Variants in ADAM10 observed in about 807,000 individuals in gnomAD.
ADAM10 encodes disintegrin and metalloproteinase domain-containing protein 10.
In ADAM10, 17 loss-of-function variants were observed where a neutral mutation model predicts 90.1. The observed-to-expected ratio is 0.19, with a 90% confidence interval of 0.13 to 0.28. The LOEUF (loss-of-function observed/expected upper bound fraction) is 0.28. Among genes scored for constraint, ADAM10 ranks in the 10% least tolerant of loss-of-function variants. ADAM10 has a pLI of 1.00. For synonymous variants in ADAM10, 310 were observed against 298.6 expected (o/e 1.04, Z -0.40); for missense variants, 610 against 914.3 (o/e 0.67, Z 4.29).
intron 1 of ADAM10, among the ~76,000 whole-genome samples, chr15:58,740,000 G>A (rs796275871): frequency 1.1e-4 from 17 of 152,320 alleles, no homozygotes; most frequent in African/African-American, 3.9e-4. Flanking sequence ...TAATGTGAGT[G>A]AGACACTGTG....
intron 5 of ADAM10, among the ~76,000 whole-genome samples, chr15:58,648,833 A>G (rs191626628): frequency 1.4e-3 from 207 of 152,188 alleles, no homozygotes; most frequent in Non-Finnish European, 2.1e-3. Context: ...TGACATATCT[A>G]TTTTAGTAAT....
At chr15:58,648,108 T>C (rs1341272574) in intron 5 of ADAM10, among the ~76,000 whole-genome samples, 1 of 152,214 alleles carries the variant, frequency 6.6e-6, no homozygotes, top group Non-Finnish European at 1.5e-5. Flanking sequence ...GATGGAAATG[T>C]TTATTTGCTT....
intron 4 of ADAM10, chr15:58,673,073 C>A (rs554458457): frequency 1.6e-3 from 266 of 169,558 alleles, no homozygotes; most frequent in African/African-American, 6.0e-3. Context: ...GTTAACCACA[C>A]TATCAAATGT....
intron 2 of ADAM10, among the ~76,000 whole-genome samples, chr15:58,709,592 T>G (rs184394555): frequency 1.3e-5 from 2 of 151,892 alleles, no homozygotes; most frequent in East Asian, 3.9e-4. Context: ...ATACAAAAAT[T>G]AGCCAGGTGT....
At chr15:58,684,908 T>C (rs1020286075) in intron 2 of ADAM10, among the ~76,000 whole-genome samples, 1 of 152,112 alleles carries the variant, frequency 6.6e-6, no homozygotes, top group Non-Finnish European at 1.5e-5. Flanking sequence ...TTACGCTGAA[T>C]TGTTGAACAC....
intron 5 of ADAM10, among the ~76,000 whole-genome samples, chr15:58,664,412 G>C (rs540867278): frequency 6.6e-6 from 1 of 152,034 alleles, no homozygotes; most frequent in African/African-American, 2.4e-5. Context: ...ATACATATAA[G>C]AATAAAATCT....
At chr15:58,683,859 CAAAAAAAAAAAAAA>C (rs71425819) in intron 2 of ADAM10, among the ~76,000 whole-genome samples, 1,062 of 67,302 alleles carry the variant, frequency 0.016, 33 homozygotes, top group African/African-American at 0.06. Context: ...GGCTCCATCT[CAAAAAAAAAAAAAA>C]AAAAAAAAAA....
At chr15:58,695,325 A>G (rs1206321075) in intron 2 of ADAM10, among the ~76,000 whole-genome samples, 2 of 152,196 alleles carry the variant, frequency 1.3e-5, no homozygotes, top group African/African-American at 4.8e-5. Flanking sequence ...CTCCTGAACA[A>G]ACAAGTATCC....
intron 1 of ADAM10, among the ~76,000 whole-genome samples, chr15:58,723,238 G>T (rs567183113): frequency 6.6e-6 from 1 of 152,138 alleles, no homozygotes; most frequent in South Asian, 2.1e-4. Flanking sequence ...AATCTCAAGA[G>T]AATGGGAGTC....
In ADAM10 at chr15:58,686,360, C is replaced by T. The variant is rs1247949324; in HGVS notation, c.207-4046G>A. The T allele has an allele frequency of 4.0e-6, 3 of 749,756 alleles. 1 individual carries two copies. In the Admixed American group the frequency reaches 7.4e-5, roughly 18 times the overall value. The allele number at this position is 749,756 out of a possible 1,614,324, so 46.4% of individuals were successfully genotyped here. A position where few individuals can be genotyped will look rare whatever the true frequency, so the allele number is the denominator to read the frequency against. ...GAATAAAGGCTACTTCAAACCTATC[C>T]TAATAAAGCTTAAAAACAAGGCTGG... On this transcript the variant is annotated intron_variant, in intron 2 of 15. Transcript: ENST00000260408.
At chr15:58,739,520 AAAATAAATAAAT>A (rs1192854074) in intron 1 of ADAM10, among the ~76,000 whole-genome samples, 1 of 151,814 alleles carries the variant, frequency 6.6e-6, no homozygotes, top group Non-Finnish European at 1.5e-5. Flanking sequence ...CCGTCTCAAA[AAAATAAATAAAT>A]AAATAAATAA....
intron 2 of ADAM10, among the ~76,000 whole-genome samples, chr15:58,714,290 C>CAT (rs1302650536): frequency 1.0e-5 from 1 of 100,016 alleles, no homozygotes; most frequent in Non-Finnish European, 2.1e-5. Context: ...TATACATACA[C>CAT]ATACACACAC....
intron 4 of ADAM10, chr15:58,676,378 T>C: frequency 4.4e-6 from 2 of 451,618 alleles, no homozygotes; most frequent in Non-Finnish European, 8.9e-6. Flanking sequence ...AAGATTTTTA[T>C]ACACTGTCAG....
At chr15:58,656,123 T>C (rs1189381400) in intron 5 of ADAM10, among the ~76,000 whole-genome samples, 2 of 152,192 alleles carry the variant, frequency 1.3e-5, no homozygotes, top group African/African-American at 2.4e-5. Flanking sequence ...GATACAAGTA[T>C]AGCTACTCCT....
intron 1 of ADAM10, among the ~76,000 whole-genome samples, chr15:58,724,090 T>G (rs969409085): frequency 6.6e-6 from 1 of 151,896 alleles, no homozygotes; most frequent in Non-Finnish European, 1.5e-5. Context: ...GGCAGGAGAA[T>G]TGCTTGAACC....
intron 5 of ADAM10, among the ~76,000 whole-genome samples, chr15:58,650,239 C>G (rs2140703770): frequency 6.6e-6 from 1 of 152,238 alleles, no homozygotes; most frequent in South Asian, 2.1e-4. Flanking sequence ...TGTTCATATA[C>G]TGGTTACATT....
chr15:58,737,382 CCTGA>C (rs1414265759), intron 1 of ADAM10, among the ~76,000 whole-genome samples: 11 of 152,072 alleles, frequency 7.2e-5, no homozygotes, highest in Admixed American at 6.6e-4. Flanking sequence ...CTATAAAGAA[CCTGA>C]CTGACTAAAA....
chr15:58,686,527 T>C (rs1481672249), intron 2 of ADAM10: 4 of 1,414,848 alleles, frequency 2.8e-6, no homozygotes, highest in Non-Finnish European at 3.0e-6. Context: ...AACAGTACTG[T>C]ATGCAGAATG....
chr15:58,679,253 C>A lies in ADAM10; in HGVS notation c.355G>T (p.Val119Phe), dbSNP rs1392408389. ...GEEGSFSHGS[V>F]IDGRFEGFIQ... is the part of the protein sequence containing the mutation. ...AATCCTTCAAATCTTCCATCAATAACAGACCCATGGCTAAAACTTCCTTCT... is the reference window on the plus strand; with the variant it reads ...AATCCTTCAAATCTTCCATCAATAAAAGACCCATGGCTAAAACTTCCTTCT... The change falls in exon 4 of 16, where the codon GTT becomes TTT. Residue 119 changes from valine (V) to phenylalanine (F), a missense_variant. By Grantham distance (50) the Val-to-Phe change is conservative. This residue lies in a region of ADAM10 where 310 missense variants were observed against 362.4 expected (regional missense o/e 0.86). Transcript: ENST00000260408. The A allele has an allele frequency of 2.5e-6, 4 of 1,613,870 alleles. No homozygotes were observed. The highest frequency in any genetic ancestry group is 3.4e-6 in the Non-Finnish European group (4 of 1,180,008).
Sources: allele counts gnomAD v4.1 joint callset (sites outside exome capture counted in the v4.1 genomes callset), GRCh38; gene constraint gnomAD v4.1.1; regional missense constraint gnomAD v4.1.1; transcripts MANE v1.5; gene names NCBI Gene and HGNC (gene_info 2026-07-23, HGNC 2026-07-21).